Variants in TTN observed in about 807,000 individuals in gnomAD.
TTN encodes the protein connectin.
TTN carries 1,525 observed loss-of-function variants against 3,223.0 expected under a neutral mutation model. The observed-to-expected ratio is 0.47, with a 90% CI of 0.45 to 0.49. TTN has a LOEUF of 0.49. TTN is among the 20% of genes least tolerant of loss of function. The pLI is 0.00. For missense variants in TTN, 40,786 were observed against 43,424.0 expected, an observed-to-expected ratio of 0.94 and a Z score of 5.40; for synonymous variants, 14,094 against 15,161.0, an observed-to-expected ratio of 0.93 and a Z score of 5.17.
chr2:178,544,202 T>C lies in TTN; in HGVS notation c.96027A>G (p.Ile32009Met). ...SIAEIEPVER[I>M]EIPDLELADD... ...CCTAAAAGCTTCTGTGATAAATACC[T>C]ATTCTTTCCACGGGCTCAATTTCAG... The change falls in exon 345 of 363, where the codon ATA (isoleucine) becomes ATG (methionine). Residue 32009 changes from isoleucine (I) to methionine (M), a missense_variant and splice_region_variant. Transcript: ENST00000589042. 1 of 1,612,548 alleles carries C rather than the reference T, an allele frequency of 6.2e-7. No individual in the cohort carries two copies. Among genetic ancestry groups the C allele is most frequent in the Non-Finnish European group, 8.5e-7 (1 of 1,178,672 alleles).
Position 178,684,393 on chromosome 2 carries a change from T to C in TTN, c.32659A>G (p.Ile10887Val), listed in dbSNP as rs1577379105. ...PAKVTERHMQ[I>V]TQEEKVLVAV... ...ACAAGAACTTTTTCTTCCTGGGTAA[T>C]TTGCATGTGCCTCTCAGTCACTTAA... The change falls in exon 132 of 363, where the codon ATT becomes GTT. Residue 10887 changes from isoleucine to valine, a missense_variant. Ile to Val is a conservative substitution (Grantham distance 29). Coordinates refer to ENST00000589042, the MANE Select transcript of TTN (RefSeq NM_001267550.2). 6.2e-7 allele frequency: 1 copy of C among 1,613,636 alleles called. No homozygotes were observed. The highest frequency in any genetic ancestry group is 8.5e-7 in the Non-Finnish European group (1 of 1,179,678).
Position 178,728,205 on chromosome 2 carries a change from A to G in TTN, c.19619T>C (p.Val6540Ala), listed in dbSNP as rs1045155829. Residue 6540 changes from valine to alanine, a missense_variant, in exon 67 of 363, where the codon GTT (valine) becomes GCT (alanine). Val to Ala is a moderately conservative substitution (Grantham distance 64, BLOSUM62 0). Coordinates refer to ENST00000589042, the MANE Select transcript of TTN (RefSeq NM_001267550.2). ...AGTATCTTCTAATTCCAGATTATTA[A>G]CTTCCAGAGACACAGATCTCTCATG... ...VCHERSVSLEVNNLELEDTAN... is the reference protein window; with the variant it reads ...VCHERSVSLEANNLELEDTAN... 2 of 1,612,774 alleles carry G rather than the reference A, an allele frequency of 1.2e-6. No homozygotes were observed. Among genetic ancestry groups the G allele is most frequent in the East Asian group, 4.5e-5 (2 of 44,786 alleles).
chr2:178,706,560 C>T lies in TTN; in HGVS notation c.29314G>A (p.Val9772Met), dbSNP rs563073635. 79 of 1,613,872 alleles carry T rather than the reference C, an allele frequency of 4.9e-5. No individual in the cohort carries two copies. The highest frequency in any genetic ancestry group is 9.3e-5 in the African/African-American group (7 of 75,012). ...TKTDSGLYRC[V>M]AFNEHGEIES... ...ATTTCACCATGTTCGTTAAATGCCA[C>T]GCATCGGTATAACCCAGAATCAGTT... The change falls in exon 102 of 363, where the codon GTG becomes ATG. Residue 9772 changes from valine to methionine, a missense_variant. By Grantham distance (21) the Val-to-Met change is conservative. Coordinates refer to ENST00000589042, the MANE Select transcript of TTN (RefSeq NM_001267550.2).
chr2:178,563,761 T>A lies in TTN; in HGVS notation c.82371A>T (p.Glu27457Asp). 1.2e-6 allele frequency: 2 copies of A among 1,613,698 alleles called. No individual in the cohort carries two copies. The highest frequency in any genetic ancestry group is 1.7e-6 in the Non-Finnish European group (2 of 1,179,738). The stretch of plus-strand genomic sequence containing the variant: ...GATTACAGGCCGTAACAGGCCCAGA[T>A]TCCAAGGGCTCTCCAATTCCATATT... ...VNKYGIGEPL[E>D]SGPVTACNPY... Residue 27457 changes from glutamate (E) to aspartate (D), a missense_variant, in exon 326 of 363, where the codon GAA becomes GAT. Physicochemically the swap from Glu to Asp is conservative, Grantham distance 45. Coordinates refer to ENST00000589042, the MANE Select transcript of TTN (RefSeq NM_001267550.2). The surrounding 1 kb of genome is among the most constrained non-coding windows in gnomAD (Gnocchi z 4.5).
At chr2:178,528,224 C>CGATCTAAA in intron 361 of TTN, 50 bp downstream of exon 361, 1 of 1,545,874 alleles carries the variant, frequency 6.5e-7, no homozygotes, top group East Asian at 2.3e-5. Context: ...GGCAAAAAAA[C>CGATCTAAA]GATCTAAAGG....
Position 178,587,608 on chromosome 2 carries a change from G to A in TTN, c.63701C>T (p.Pro21234Leu). 1 of 1,612,516 alleles carries A rather than the reference G, an allele frequency of 6.2e-7. No homozygotes were observed. Among genetic ancestry groups the A allele is most frequent in the East Asian group, 2.2e-5 (1 of 44,576 alleles). ...TCCTGAGTCATCACGGGTAGAATTG[G>A]GGATGACAAGGAAGGCCATAGTGTC... ...LVDTMAFLVI[P>L]NSTRDDSGKY... The change falls in exon 306 of 363, where the codon CCC becomes CTC. Residue 21234 changes from proline (P) to leucine (L), a missense_variant. By Grantham distance (98) the Pro-to-Leu change is moderately conservative (BLOSUM62 -3). Transcript: ENST00000589042.
intron 7 of TTN, 140 bp from the exon 8 acceptor site, chr2:178,794,691 A>G (rs1189703476): frequency 8.9e-7 from 1 of 1,127,934 alleles, no homozygotes; most frequent in African/African-American, 1.6e-5. Context: ...AAATACAGAG[A>G]CTGTATCATT....
chr2:178,751,826 C>T, intron 47 of TTN: 1 of 1,612,928 alleles, frequency 6.2e-7, no homozygotes, highest in Non-Finnish European at 8.5e-7. Flanking sequence ...AATTAATCTA[C>T]ATGTAAAAAC....
In TTN at chr2:178,542,878, G is replaced by A. The variant is rs752927644; in HGVS notation, c.96976C>T (p.Leu32326=). Residue 32326 remains leucine, a synonymous_variant, in exon 348 of 363, where the codon CTG becomes TTG. Coordinates refer to ENST00000589042, the MANE Select transcript of TTN (RefSeq NM_001267550.2). ...GGACGGCCAGCAATAGGTATCACCA[G>A]CTCTACTGGTCTGCCAGCTGGGACA... The part of the protein sequence containing the change: ...IHVPAGRPVE[L]VIPIAGRPPP... The A allele has an allele frequency of 2.5e-6, 4 of 1,613,772 alleles. No individual in the cohort carries two copies. Among genetic ancestry groups the A allele is most frequent in the Non-Finnish European group, 3.4e-6 (4 of 1,179,722 alleles).
chr2:178,740,397 T>A lies in TTN; in HGVS notation c.12836A>T (p.Asp4279Val). The change falls in exon 48 of 363, where the codon GAT becomes GTT. Residue 4279 changes from aspartate (D) to valine (V), a missense_variant. Coordinates refer to ENST00000589042, the MANE Select transcript of TTN (RefSeq NM_001267550.2). Reference sequence around the variant, plus strand: ...ATAGTTTACCTGAGAGATCATGACATCAGGACTCTGGAGACTCTCCACGTG... The same window carrying A: ...ATAGTTTACCTGAGAGATCATGACAACAGGACTCTGGAGACTCTCCACGTG... ...EGHVESLQSPDVMISQVNYEP... is the reference protein window; with the variant it reads ...EGHVESLQSPVVMISQVNYEP... 6.2e-7 allele frequency: 1 copy of A among 1,613,320 alleles called. No individual in the cohort carries two copies. The highest frequency in any genetic ancestry group is 8.5e-7 in the Non-Finnish European group (1 of 1,179,600).
rs2075205547 is a variant in TTN, at chr2:178,702,629, G to C, written c.30258C>G (p.Asn10086Lys). 6.2e-7 allele frequency: 1 copy of C among 1,613,974 alleles called. No individual in the cohort carries two copies. The highest frequency in any genetic ancestry group is 8.5e-7 in the Non-Finnish European group (1 of 1,179,878). Residue 10086 changes from asparagine (N) to lysine (K), a missense_variant, in exon 107 of 363, where the codon AAC (asparagine) becomes AAG (lysine). By Grantham distance (94) the Asn-to-Lys change is moderately conservative (BLOSUM62 0). Coordinates refer to ENST00000589042, the MANE Select transcript of TTN (RefSeq NM_001267550.2). ...CAGACTGATGCTCACTCACCACGAT[G>C]TTCTGTATGCGCTTTGTAAACTGAA... Reference protein sequence around the residue: ...EPIQFTKRIQNIVVSEHQSAT... With the variant: ...EPIQFTKRIQKIVVSEHQSAT...
chr2:178,759,187 A>C lies in TTN; in HGVS notation c.10115-15T>G. On this transcript the variant is annotated splice_polypyrimidine_tract_variant and intron_variant, in intron 43 of 362. Transcript: ENST00000589042. Reference sequence around the variant, plus strand: ...CACTTTTAGATCTGCGACACAAAAGAAAAGAGATACTTCAACCACAAAAAT... The same window carrying C: ...CACTTTTAGATCTGCGACACAAAAGCAAAGAGATACTTCAACCACAAAAAT... The C allele has an allele frequency of 6.2e-7, 1 of 1,613,804 alleles. No homozygotes were observed. The highest frequency in any genetic ancestry group is 8.5e-7 in the Non-Finnish European group (1 of 1,179,848).
At position 178,776,604 on chromosome 2, in the gene TTN, T is replaced by A. The variant is rs780379544; in HGVS notation, c.5260A>T (p.Ile1754Phe). The stretch of plus-strand genomic sequence containing the variant: ...AGGCTGCAGTACCCAAATTCATTGA[T>A]CATACGGAGCCTGTTGGCTGCTTCA... ...PLEAANRLRM[I>F]NEFGYCSLDY... The change falls in exon 28 of 363, where the codon ATC becomes TTC. Residue 1754 changes from isoleucine to phenylalanine, a missense_variant. Physicochemically the swap from Ile to Phe is conservative, Grantham distance 21. Transcript: ENST00000589042. 1 of 1,614,084 alleles carries A rather than the reference T, an allele frequency of 6.2e-7. No individual in the cohort carries two copies. Among genetic ancestry groups the A allele is most frequent in the South Asian group, 1.1e-5 (1 of 91,082 alleles).
At chr2:178,719,102 AG>A in intron 83 of TTN, 61 bp downstream of exon 83, 3 of 1,548,364 alleles carry the variant, frequency 1.9e-6, no homozygotes, top group Non-Finnish European at 2.6e-6. Context: ...CAGGGAAGGC[AG>A]GCACCACGTC....
chr2:178,783,614 T>C (rs1022728035), intron 17 of TTN, 106 bp downstream of exon 17: 43 of 1,018,940 alleles, frequency 4.2e-5, no homozygotes, highest in Non-Finnish European at 6.2e-5. Context: ...GTAAGCTCAC[T>C]AATGTCATTT....
rs1204873968 is a variant in TTN, at chr2:178,775,143, T to C, written c.6568A>G (p.Thr2190Ala). ...LQDVVAKEKD[T>A]MATFECETSE... ...GTTTCACATTCAAAGGTTGCCATAG[T>C]GTCTTTTTCCTTAGCAACAACATCT... Residue 2190 changes from threonine (T) to alanine (A), a missense_variant, in exon 29 of 363, where the codon ACT (threonine) becomes GCT (alanine). Transcript: ENST00000589042. 4 of 1,613,936 alleles carry C rather than the reference T, an allele frequency of 2.5e-6. No individual in the cohort carries two copies. The highest frequency in any genetic ancestry group is 3.4e-6 in the Non-Finnish European group (4 of 1,179,978).
chr2:178,746,266 C>A (rs1413427364), intron 47 of TTN: 1 of 1,611,968 alleles, frequency 6.2e-7, no homozygotes, highest in Non-Finnish European at 8.5e-7. Context: ...AGCGAGGAGG[C>A]ATTTCAAATA....
At chr2:178,664,205 T>A in intron 168 of TTN, 107 bp from the exon 169 acceptor site, 1 of 1,139,742 alleles carries the variant, frequency 8.8e-7, no homozygotes, top group Non-Finnish European at 1.2e-6. Context: ...TGAGCTGAGA[T>A]CAGTGGTAAC....
chr2:178,756,823 G>T, intron 45 of TTN, 26 bp from the exon 46 acceptor site: 1 of 1,595,982 alleles, frequency 6.3e-7, no homozygotes. Context: ...ACAAGAAAAA[G>T]AAAAGAATAT....
Sources: gnomAD v4.1 joint callset for allele counts on GRCh38, gnomAD v4.1.1 for gene constraint, Gnocchi (gnomAD v3.1) non-coding constraint, MANE v1.5 for transcripts, NCBI Gene and HGNC (gene_info 2026-07-23, HGNC 2026-07-21) for gene names.